The following CNOT1 variants were observed in gnomAD, a reference collection of about 807,000 sequenced individuals.
CNOT1 encodes CCR4-associated factor 1.
A neutral mutation model predicts 273.8 loss-of-function variants in CNOT1; 15 were observed. The ratio of observed to expected loss-of-function variants is 0.05; its 90% CI spans 0.04 to 0.08. The LOEUF is 0.08. Among genes scored for constraint, CNOT1 ranks in the 10% least tolerant of loss-of-function variants. The pLI is 1.00. For synonymous variants in CNOT1, 1,022 were observed against 1,005.5 expected (o/e 1.02, Z -0.31); for missense variants, 1,644 against 2,912.2 (o/e 0.56, Z 10.02).
intron 19 of CNOT1, 91 bp downstream of exon 19, chr16:58,556,756 T>C: frequency 6.6e-7 from 1 of 1,512,058 alleles, no homozygotes; most frequent in Non-Finnish European, 8.8e-7. Flanking sequence ...AGGAGGCACA[T>C]CAACACATGG....
rs892967518 is a variant in CNOT1 at position 58,547,769 on chromosome 16, C to A, written c.3523-87G>T. The A allele has an allele frequency of 2.3e-6, 3 of 1,287,470 alleles. No homozygotes were observed. Among genetic ancestry groups the A allele is most frequent in the African/African-American group, 3.0e-5 (2 of 66,784 alleles). 79.8% of individuals were successfully genotyped at this position (1,287,470 alleles called of 1,614,324 possible). A position where few individuals can be genotyped will look rare whatever the true frequency, so the allele number is the denominator to read the frequency against. The stretch of plus-strand genomic sequence containing the variant: ...GTATTTGAGAATTCCATTATCCTAT[C>A]CTAAAGACAAGTCATCATTTCTAAG... On this transcript the variant is annotated intron_variant, in intron 25 of 48. Coordinates refer to ENST00000317147, the MANE Select transcript of CNOT1 (RefSeq NM_016284.5). This position sits in a 1 kb window ranked among gnomAD's most constrained non-coding sequence, Gnocchi z 4.0.
At chr16:58,608,524 A>T (rs967420063) in intron 1 of CNOT1, among the ~76,000 whole-genome samples, 2 of 148,702 alleles carry the variant, frequency 1.3e-5, no homozygotes, top group Admixed American at 1.4e-4. Context: ...ACTGCACTCC[A>T]GCCTGGGTGA....
At chr16:58,531,924 G>C (rs755054900) in intron 42 of CNOT1, 34 bp downstream of exon 42, 1 of 1,611,326 alleles carries the variant, frequency 6.2e-7, no homozygotes, top group Admixed American at 1.7e-5. Context: ...GGTAGTTATA[G>C]TCTTCATCTA....
rs971482489 is a variant in CNOT1, at chr16:58,555,553, A to G, written c.2605-16T>C. 1 of 1,608,116 alleles carries G rather than the reference A, an allele frequency of 6.2e-7. No homozygotes were observed. On this transcript the variant is annotated splice_polypyrimidine_tract_variant and intron_variant, in intron 20 of 48. Coordinates refer to ENST00000317147, the MANE Select transcript of CNOT1 (RefSeq NM_016284.5). ...TTTCTAATACCTGGAAAAGCAAGAC[A>G]AAAACAACGCACACATAAAGGAAAC...
chr16:58,531,480 G>A (rs2039776613), intron 42 of CNOT1, among the ~76,000 whole-genome samples: 1 of 150,184 alleles, frequency 6.7e-6, no homozygotes, highest in African/African-American at 2.4e-5. Context: ...CTCAACCTTA[G>A]TTTGAGAGCC....
Position 58,555,488 on chromosome 16 carries a change from C to T in CNOT1, c.2654G>A (p.Arg885Gln). ...RFKDSTIKRE[R>Q]EVFNCMLRNL... ...CCTTAGCATACAGTTAAATACTTCT[C>T]GTTCCCTCTTTATAGTAGAGTCTTT... is the stretch of plus-strand genomic sequence containing the variant. The change falls in exon 21 of 49, where the codon CGA (arginine) becomes CAA (glutamine). Residue 885 changes from arginine (R) to glutamine (Q), a missense_variant. Physicochemically the swap from Arg to Gln is conservative, Grantham distance 43. Transcript: ENST00000317147. 6.2e-7 allele frequency: 1 copy of T among 1,614,020 alleles called. No homozygotes were observed.
At chr16:58,600,885 T>C (rs1472307552) in intron 1 of CNOT1, among the ~76,000 whole-genome samples, 2 of 152,186 alleles carry the variant, frequency 1.3e-5, no homozygotes, top group African/African-American at 4.8e-5. Context: ...GATGGGAGGA[T>C]TGCTTGAGGC....
chr16:58,560,177 CA>C, intron 17 of CNOT1, 34 bp downstream of exon 17: 1 of 1,606,336 alleles, frequency 6.2e-7, no homozygotes, highest in Non-Finnish European at 8.5e-7. Context: ...AAATCTATGG[CA>C]AATGAAGATG....
intron 16 of CNOT1, among the ~76,000 whole-genome samples, chr16:58,571,703 C>A (rs1162957033): frequency 6.6e-6 from 1 of 152,312 alleles, no homozygotes; most frequent in East Asian, 1.9e-4. Flanking sequence ...GGAGGCCGGG[C>A]ATAGTGGCTC....
chr16:58,600,571 A>T (rs12927299), intron 1 of CNOT1, among the ~76,000 whole-genome samples: 59,324 of 151,954 alleles, frequency 0.39, 12,960 homozygotes, highest in African/African-American at 0.59. Flanking sequence ...TCTTTATGTT[A>T]CTGCTTCAGA....
intron 22 of CNOT1, among the ~76,000 whole-genome samples, chr16:58,552,651 TAGA>T (rs1347332077): frequency 6.6e-6 from 1 of 152,148 alleles, no homozygotes; most frequent in African/African-American, 2.4e-5. Flanking sequence ...CTAATAAACC[TAGA>T]AGGATGAGGT....
At chr16:58,524,446 G>C (rs1237417256) in intron 46 of CNOT1, among the ~76,000 whole-genome samples, 1 of 151,738 alleles carries the variant, frequency 6.6e-6, no homozygotes, top group African/African-American at 2.4e-5. Flanking sequence ...TTCTCTAAAG[G>C]CTGCCGTCCT....
chr16:58,565,093 T>C (rs542488614), intron 16 of CNOT1, among the ~76,000 whole-genome samples: 4 of 152,290 alleles, frequency 2.6e-5, no homozygotes, highest in East Asian at 3.9e-4. Flanking sequence ...GGATATACCA[T>C]GAATTTATCC....
At chr16:58,558,757 T>G in intron 17 of CNOT1, 83 bp from the exon 18 acceptor site, 14 of 1,524,362 alleles carry the variant, frequency 9.2e-6, no homozygotes, top group Middle Eastern at 2.0e-4. Flanking sequence ...ACAACAGCTC[T>G]TCATAATCTT....
At chr16:58,601,430 C>T (rs2152011956) in intron 1 of CNOT1, among the ~76,000 whole-genome samples, 1 of 152,202 alleles carries the variant, frequency 6.6e-6, no homozygotes, top group Non-Finnish European at 1.5e-5. Context: ...TCACCAAGAA[C>T]CACTGAAACA....
rs939751807 is a variant in CNOT1 at position 58,531,947 on chromosome 16, T to C, written c.6177+11A>G. 6.2e-7 allele frequency: 1 copy of C among 1,613,932 alleles called. No individual in the cohort carries two copies. On this transcript the variant is annotated intron_variant, in intron 42 of 48. Transcript: ENST00000317147. ...TAGTCTTCATCTACAGGAGATAAAC[T>C]GCAGCCACACCTTCTGCTGTGGCGT...
intron 21 of CNOT1, 34 bp from the exon 22 acceptor site, chr16:58,553,894 TCAGAA>T: frequency 6.3e-7 from 1 of 1,587,232 alleles, no homozygotes; most frequent in Non-Finnish European, 8.5e-7. Flanking sequence ...TCATTTCATG[TCAGAA>T]CAGAAGCATC....
chr16:58,554,385 A>G (rs183004383), intron 21 of CNOT1, among the ~76,000 whole-genome samples: 2 of 152,322 alleles, frequency 1.3e-5, no homozygotes, highest in East Asian at 3.9e-4. Context: ...TAATGAAAAT[A>G]TTCTGCATCA....
At chr16:58,527,940 A>G in intron 44 of CNOT1, 2 of 265,928 alleles carry the variant, frequency 7.5e-6, no homozygotes, top group South Asian at 6.7e-5. Context: ...ACATGGCGAA[A>G]CCCCATCTCC....
Sources: gnomAD v4.1 joint callset for allele counts (sites outside exome capture counted in the v4.1 genomes callset) on GRCh38, gnomAD v4.1.1 for gene constraint, Gnocchi (gnomAD v3.1) non-coding constraint, MANE v1.5 for transcripts, NCBI Gene and HGNC (gene_info 2026-07-23, HGNC 2026-07-21) for gene names.